THOC2: variants seen among roughly 807,000 people sequenced by gnomAD.
The protein encoded by THOC2 is THO complex subunit 2, also known as THO complex 2.
THOC2 carries 10 observed loss-of-function variants against 128.4 expected under a neutral mutation model. The ratio of observed to expected loss-of-function variants is 0.08; its 90% CI spans 0.05 to 0.13. THOC2 has a LOEUF of 0.13. Ranked by LOEUF, THOC2 falls within the 10% of genes least tolerant of loss-of-function variation. The pLI is 1.00. For missense variants in THOC2, 535 were observed against 1,155.7 expected, an observed-to-expected ratio of 0.46 and a Z score of 7.79; for synonymous variants, 393 against 396.9, an observed-to-expected ratio of 0.99 and a Z score of 0.12.
At chrX:123,643,745 A>AC (rs931248457) in intron 15 of THOC2, among the ~76,000 whole-genome samples, 2 of 110,582 alleles carry the variant, frequency 1.8e-5, no homozygotes, top group African/African-American at 3.3e-5. Flanking sequence ...AAAAAAAAAA[A>AC]AACAACAACT....
At chrX:123,726,167 C>T (rs1214606991) in intron 1 of THOC2, among the ~76,000 whole-genome samples, 3 of 110,338 alleles carry the variant, frequency 2.7e-5, no homozygotes, top group South Asian at 3.9e-4. Flanking sequence ...CGAGATCGCA[C>T]CACTGCACTC....
intron 20 of THOC2, among the ~76,000 whole-genome samples, chrX:123,633,442 G>A (rs1282759974): frequency 9.0e-6 from 1 of 111,206 alleles, no homozygotes; most frequent in Non-Finnish European, 1.9e-5. Context: ...TCACTGTCTT[G>A]CCCAGAATGG....
At chrX:123,675,527 G>C (rs1243487608) in intron 8 of THOC2, among the ~76,000 whole-genome samples, 2 of 109,883 alleles carry the variant, frequency 1.8e-5, no homozygotes, top group East Asian at 5.7e-4. Context: ...TGTAGTCCCA[G>C]CTGTACTTAG....
intron 4 of THOC2, among the ~76,000 whole-genome samples, chrX:123,700,013 T>C (rs2050623647): frequency 9.0e-6 from 1 of 111,204 alleles, no homozygotes; most frequent in African/African-American, 3.3e-5. Flanking sequence ...TATCCCTGAC[T>C]CCTTTACCTC....
intron 1 of THOC2, among the ~76,000 whole-genome samples, chrX:123,727,322 G>GT (rs1205526167): frequency 9.0e-6 from 1 of 111,455 alleles, no homozygotes; most frequent in Non-Finnish European, 1.9e-5. Context: ...ACAAGTAGAT[G>GT]TATCTGTGCT....
intron 2 of THOC2, among the ~76,000 whole-genome samples, chrX:123,710,439 G>A (rs1262333403): frequency 3.6e-5 from 4 of 111,532 alleles, no homozygotes; most frequent in Non-Finnish European, 3.8e-5. Context: ...TTTTAAACCC[G>A]GGGAAGAAAA....
At chrX:123,670,706 G>C (rs766805426) in intron 9 of THOC2, among the ~76,000 whole-genome samples, 1 of 112,507 alleles carries the variant, frequency 8.9e-6, no homozygotes, top group East Asian at 2.8e-4. Flanking sequence ...GGTCCTACTT[G>C]TCTATCAAGA....
rs2047318381 is a variant in THOC2 at position 123,627,723 on chromosome X, C to T, written c.2727G>A (p.Gln909=). 8.3e-7 allele frequency: 1 copy of T among 1,209,861 alleles called. No individual in the cohort carries two copies. Among genetic ancestry groups the T allele is most frequent in the Non-Finnish European group, 1.1e-6 (1 of 895,168 alleles). The change falls in exon 23 of 39, where the codon CAG becomes CAA. Residue 909 remains glutamine, a synonymous_variant. Transcript: ENST00000245838. ...YEREVNKLKV[Q]MKAIDDNQEM... ...CCTGATTGTCATCAATTGCTTTCAT[C>T]TGGACTTTAAGTTTATTGACTTCTC...
At chrX:123,648,005 C>T (rs368355247) in intron 12 of THOC2, among the ~76,000 whole-genome samples, 2 of 110,987 alleles carry the variant, frequency 1.8e-5, no homozygotes, top group African/African-American at 3.3e-5. Flanking sequence ...ATCACGGGTT[C>T]GGTGGCTGGC....
chrX:123,691,477 T>C (rs1284689854), intron 7 of THOC2, among the ~76,000 whole-genome samples: 1 of 111,721 alleles, frequency 9.0e-6, no homozygotes, highest in Non-Finnish European at 1.9e-5. Context: ...CAAAATCATG[T>C]AGTCAAAGGG....
intron 8 of THOC2, among the ~76,000 whole-genome samples, chrX:123,680,330 CTTAA>C (rs1290192607): frequency 2.7e-5 from 3 of 111,532 alleles, no homozygotes; most frequent in African/African-American, 9.8e-5. Flanking sequence ...AAGCACAATA[CTTAA>C]TTCTTTACCT....
At chrX:123,682,774 A>T (rs961662748) in intron 8 of THOC2, among the ~76,000 whole-genome samples, 3 of 111,803 alleles carry the variant, frequency 2.7e-5, no homozygotes, top group African/African-American at 9.7e-5. Context: ...ACCTTGCACA[A>T]ATATAGATTC....
chrX:123,631,872 C>CA lies in THOC2; in HGVS notation c.2317-21dup. 8.6e-7 allele frequency: 1 copy of CA among 1,163,267 alleles called. No individual in the cohort carries two copies. Among genetic ancestry groups the CA allele is most frequent in the Non-Finnish European group, 1.2e-6 (1 of 866,575 alleles). The stretch of plus-strand genomic sequence containing the variant: ...ATGACACTAAATTTAAAAAATAAGA[C>CA]AAAATCAACATATTTTCCAAAGTGA... On this transcript the variant is annotated intron_variant, in intron 21 of 38. Transcript: ENST00000245838.
At chrX:123,666,842 C>T (rs1030317232) in intron 11 of THOC2, among the ~76,000 whole-genome samples, 14 of 111,642 alleles carry the variant, frequency 1.3e-4, no homozygotes, top group Non-Finnish European at 2.3e-4. Flanking sequence ...TTTCAACTCT[C>T]AATGGAACAA....
At chrX:123,618,512 A>T (rs1225884559) in intron 33 of THOC2, among the ~76,000 whole-genome samples, 1 of 111,874 alleles carries the variant, frequency 8.9e-6, no homozygotes, top group African/African-American at 3.2e-5. Flanking sequence ...TCAAAATTTC[A>T]TTTGGTCCAC....
intron 7 of THOC2, among the ~76,000 whole-genome samples, chrX:123,694,836 A>G (rs1421596381): frequency 9.0e-6 from 1 of 111,167 alleles, no homozygotes; most frequent in African/African-American, 3.3e-5. Context: ...ATTTAAACAA[A>G]AGGCTATTTA....
intron 12 of THOC2, among the ~76,000 whole-genome samples, chrX:123,654,490 C>T (rs1408385437): frequency 4.6e-5 from 5 of 108,476 alleles, no homozygotes; most frequent in Non-Finnish European, 9.5e-5. Flanking sequence ...AGTGCAGTGG[C>T]TCACGCCTGT....
chrX:123,640,467 T>C, intron 16 of THOC2, 71 bp downstream of exon 16: 1 of 738,463 alleles, frequency 1.4e-6, no homozygotes, highest in South Asian at 3.2e-5. Flanking sequence ...CATCATTCTA[T>C]TTCCACTTGC....
At chrX:123,604,383 TC>T (rs2046393447) in intron 38 of THOC2, among the ~76,000 whole-genome samples, 1 of 111,144 alleles carries the variant, frequency 9.0e-6, no homozygotes, top group African/African-American at 3.3e-5. Flanking sequence ...TTTTTTTTTT[TC>T]TTTTTGGCCA....
Sources: allele counts gnomAD v4.1 joint callset (sites outside exome capture counted in the v4.1 genomes callset), GRCh38; gene constraint gnomAD v4.1.1; transcripts MANE v1.5; gene names NCBI Gene and HGNC (gene_info 2026-07-23, HGNC 2026-07-21).